Variants in ASIC2 observed in about 807,000 individuals in gnomAD.
The protein encoded by ASIC2 is acid-sensing ion channel 2.
ASIC2 carries 25 observed loss-of-function variants against 57.3 expected under a neutral mutation model. The observed-to-expected ratio is 0.44, with a 90% CI of 0.32 to 0.61. ASIC2 has a LOEUF of 0.61. ASIC2 is among the 20% of genes least tolerant of loss of function. ASIC2 has a pLI of 0.06. For missense variants in ASIC2, 641 were observed against 738.1 expected (o/e 0.87, Z 1.52); for synonymous variants, 319 against 307.5 (o/e 1.04, Z -0.39).
chr17:33,698,531 C>T (rs1908599493), intron 1 of ASIC2, among the ~76,000 whole-genome samples: 1 of 152,218 alleles, frequency 6.6e-6, no homozygotes, highest in South Asian at 2.1e-4. Context: ...TAAGTGACCC[C>T]ATGAAAATTA....
At chr17:33,057,391 T>C (rs1567729180) in intron 3 of ASIC2, among the ~76,000 whole-genome samples, 1 of 152,214 alleles carries the variant, frequency 6.6e-6, no homozygotes, top group Non-Finnish European at 1.5e-5. Flanking sequence ...ACCTGAGCTA[T>C]AAATCAAGGG....
Position 33,977,731 on chromosome 17 carries a change from C to T in ASIC2, c.555+178247G>A, listed in dbSNP as rs117766869. ...CCAAAGAGAAGGTTTTGATGTCTGT[C>T]GATTCTACCTGAGTATACGTAGGTT... On this transcript the variant is annotated intron_variant, in intron 1 of 9. Coordinates refer to the ASIC2 transcript ENST00000359872. 2.2e-4 allele frequency among the ~76,000 whole-genome samples: 34 copies of T among 152,240 alleles called. No individual in the cohort carries two copies. In the East Asian group the frequency reaches 6.0e-3, roughly 27 times the overall value.
At chr17:33,044,637 A>G (rs910021493) in intron 3 of ASIC2, among the ~76,000 whole-genome samples, 1 of 152,236 alleles carries the variant, frequency 6.6e-6, no homozygotes, top group Non-Finnish European at 1.5e-5. Flanking sequence ...TTGGGATTAC[A>G]GGCATGAGCC....
chr17:33,351,709 A>G (rs1210894141), intron 1 of ASIC2, among the ~76,000 whole-genome samples: 1 of 152,218 alleles, frequency 6.6e-6, no homozygotes, highest in African/African-American at 2.4e-5. Flanking sequence ...TAAGTCTCAC[A>G]GAAAATTTTC....
intron 1 of ASIC2, among the ~76,000 whole-genome samples, chr17:33,344,688 C>T (rs371839471): frequency 3.3e-5 from 5 of 152,148 alleles, no homozygotes; most frequent in South Asian, 2.1e-4. Context: ...TAGTAGATCT[C>T]TCTGTGGTCT....
intron 1 of ASIC2, among the ~76,000 whole-genome samples, chr17:33,586,334 T>C (rs1904632705): frequency 6.6e-6 from 1 of 152,194 alleles, no homozygotes; most frequent in Non-Finnish European, 1.5e-5. Flanking sequence ...CCTGCTCGGG[T>C]GAATTGAGAT....
intron 1 of ASIC2, among the ~76,000 whole-genome samples, chr17:33,586,999 G>A (rs12950358): frequency 0.29 from 44,389 of 152,082 alleles, 7,133 homozygotes; most frequent in African/African-American, 0.41. Context: ...AAATATTTGT[G>A]AGATTAATGT....
chr17:33,917,769 T>C lies in ASIC2; in HGVS notation c.555+238209A>G, dbSNP rs191025600. The stretch of plus-strand genomic sequence containing the variant: ...TCTGTGTCAGACACTGTGTTAGGCA[T>C]TGTGAGGAAGACAAAATTAAAATGA... On this transcript the variant is annotated intron_variant, in intron 1 of 9. Coordinates refer to the ASIC2 transcript ENST00000359872. 2.2e-3 allele frequency among the ~76,000 whole-genome samples: 335 copies of C among 152,260 alleles called. 4 individuals carry two copies. Among genetic ancestry groups the C allele is most frequent in the African/African-American group, 7.8e-3 (323 of 41,546 alleles).
At chr17:33,208,534 C>G (rs1008601689) in intron 1 of ASIC2, among the ~76,000 whole-genome samples, 6 of 152,086 alleles carry the variant, frequency 3.9e-5, no homozygotes, top group Non-Finnish European at 8.8e-5. Flanking sequence ...CTTACTTTTT[C>G]TTTTTCCTTT....
intron 1 of ASIC2, among the ~76,000 whole-genome samples, chr17:34,011,131 GCACA>G (rs150959299): frequency 2.0e-3 from 7 of 3,562 alleles, no homozygotes; most frequent in Non-Finnish European, 4.0e-3. Flanking sequence ...TCAGACACAG[GCACA>G]CACACACACA....
chr17:34,156,143 GT>G lies in ASIC2; in HGVS notation c.389del (p.Asp130AlafsTer35). 1 of 1,614,084 alleles carries G rather than the reference GT, an allele frequency of 6.2e-7. No individual in the cohort carries two copies. Among genetic ancestry groups the G allele is most frequent in the Non-Finnish European group, 8.5e-7 (1 of 1,180,026 alleles). ...GCCGCAGGGCCTCCAGCACGGAGGG[GT>G]CAGCCAGATGGGGGTCCGGGATCTG... On this transcript the variant is annotated frameshift_variant, in exon 1 of 10. Coordinates refer to the ASIC2 transcript ENST00000359872. LOFTEE classifies it high-confidence loss of function. This position sits in a 1 kb window ranked among gnomAD's most constrained non-coding sequence, Gnocchi z 4.4.
intron 1 of ASIC2, among the ~76,000 whole-genome samples, chr17:33,764,833 T>C (rs893456941): frequency 4.0e-5 from 6 of 150,600 alleles, no homozygotes; most frequent in African/African-American, 1.5e-4. Flanking sequence ...GTATGTAAGA[T>C]GGAAACCAAG....
intron 3 of ASIC2, among the ~76,000 whole-genome samples, chr17:33,077,176 A>G (rs1205970181): frequency 6.6e-6 from 1 of 151,954 alleles, no homozygotes; most frequent in African/African-American, 2.4e-5. Context: ...CCTTGGCCCA[A>G]GGCCATCTTC....
intron 1 of ASIC2, among the ~76,000 whole-genome samples, chr17:33,336,379 G>T (rs1907513679): frequency 7.6e-6 from 1 of 130,804 alleles, no homozygotes; most frequent in Non-Finnish European, 1.6e-5. Flanking sequence ...TTTCTTAACA[G>T]ATTTTTTTTT....
chr17:33,953,062 T>C (rs889998196), intron 1 of ASIC2, among the ~76,000 whole-genome samples: 1 of 152,206 alleles, frequency 6.6e-6, no homozygotes, highest in Non-Finnish European at 1.5e-5. Context: ...TTTCTAACCT[T>C]TATTTATGAC....
At chr17:34,099,681 AAAAGAAAGAG>A in intron 1 of ASIC2, among the ~76,000 whole-genome samples, 1 of 141,846 alleles carries the variant, frequency 7.0e-6, no homozygotes, top group Non-Finnish European at 1.5e-5. Flanking sequence ...AGAAAGAAAG[AAAAGAAAGAG>A]AAGAAAGAAA....
At chr17:33,099,848 T>C (rs1301005679) in intron 2 of ASIC2, 1 of 152,244 alleles carries the variant, frequency 6.6e-6, no homozygotes, top group Non-Finnish European at 1.5e-5. Flanking sequence ...GAGTGGCTCA[T>C]GTATATAGAT....
chr17:33,548,187 G>A (rs575834010), intron 1 of ASIC2, among the ~76,000 whole-genome samples: 17 of 152,232 alleles, frequency 1.1e-4, no homozygotes, highest in South Asian at 2.1e-4. Context: ...GTCTGCTGTC[G>A]TCTCCCTTTT....
At chr17:33,855,423 A>G (rs549339942) in intron 1 of ASIC2, among the ~76,000 whole-genome samples, 28 of 152,316 alleles carry the variant, frequency 1.8e-4, no homozygotes, top group African/African-American at 6.3e-4. Context: ...ACATAAATTC[A>G]GGTATAGTAA....
Sources: gnomAD v4.1 joint callset for allele counts (sites outside exome capture counted in the v4.1 genomes callset) on GRCh38, gnomAD v4.1.1 for gene constraint, Gnocchi (gnomAD v3.1) non-coding constraint, MANE v1.5 for transcripts, NCBI Gene and HGNC (gene_info 2026-07-23, HGNC 2026-07-21) for gene names.